DMKN: variants seen among roughly 807,000 people sequenced by gnomAD.
The protein encoded by DMKN is dermokine.
A neutral mutation model predicts 67.6 loss-of-function variants in DMKN; 58 were observed. The ratio of observed to expected loss-of-function variants is 0.86; its 90% confidence interval spans 0.69 to 1.07. The LOEUF is 1.07. Ranked by LOEUF, DMKN falls within the 50% of genes least tolerant of loss-of-function variation. The probability of loss-of-function intolerance (pLI) is 0.00; values close to 1 mark genes in which losing one functional copy is unlikely to be tolerated. For synonymous variants in DMKN, 240 were observed against 232.3 expected, an observed-to-expected ratio of 1.03 and a Z score of -0.30; for missense variants, 596 against 601.5, an observed-to-expected ratio of 0.99 and a Z score of 0.10.
chr19:35,511,377 C>T, intron 5 of DMKN, 34 bp downstream of exon 5: 1 of 1,605,452 alleles, frequency 6.2e-7, no homozygotes, highest in Non-Finnish European at 8.5e-7. Flanking sequence ...GGGCCTCACC[C>T]CATCTCAGCC....
At chr19:35,506,240 G>T in intron 7 of DMKN, 1 of 1,451,232 alleles carries the variant, frequency 6.9e-7, no homozygotes, top group Non-Finnish European at 9.0e-7. Flanking sequence ...TATCATGCCT[G>T]CCACCTGTCA....
In DMKN at chr19:35,513,309, C is replaced by T. The variant is rs1345207111; in HGVS notation, c.167G>A (p.Gly56Asp). Residue 56 changes from glycine (G) to aspartate (D), a missense_variant, in exon 1 of 16, where the codon GGC (glycine) becomes GAC (aspartate). Physicochemically the swap from Gly to Asp is moderately conservative, Grantham distance 94. Transcript: ENST00000339686. ...ALSEGVGKAI[G>D]KEAGGAAGSK... ...GCCAGCTGCCCCTCCGGCCTCTTTGCCAATGGCCTTTCCCACCCCTTCGCT... is the reference window on the plus strand; with the variant it reads ...GCCAGCTGCCCCTCCGGCCTCTTTGTCAATGGCCTTTCCCACCCCTTCGCT... The T allele has an allele frequency of 6.2e-7, 1 of 1,614,100 alleles. No homozygotes were observed. The highest frequency in any genetic ancestry group is 1.3e-5 in the African/African-American group (1 of 74,954).
At chr19:35,505,042 G>C (rs1276283942) in intron 9 of DMKN, among the ~76,000 whole-genome samples, 1 of 149,994 alleles carries the variant, frequency 6.7e-6, no homozygotes, top group South Asian at 2.1e-4. Context: ...AAAAAAAATA[G>C]AGTGTCTCAA....
At chr19:35,503,353 G>A (rs2068756622) in intron 9 of DMKN, 1 of 1,547,350 alleles carries the variant, frequency 6.5e-7, no homozygotes, top group Non-Finnish European at 8.7e-7. Context: ...GATTAGTGAT[G>A]AGAGGGTGGT....
At chr19:35,511,678 T>C in intron 4 of DMKN, 85 bp from the exon 5 acceptor site, 1 of 1,592,332 alleles carries the variant, frequency 6.3e-7, no homozygotes, top group Non-Finnish European at 8.6e-7. Flanking sequence ...ACCCAGGCCA[T>C]ATTCCATGAT....
intron 9 of DMKN, among the ~76,000 whole-genome samples, chr19:35,504,618 G>GA (rs1039484920): frequency 3.8e-4 from 57 of 148,648 alleles, no homozygotes; most frequent in Non-Finnish European, 7.9e-4. Context: ...GAAAGAAAAA[G>GA]AAAAAAGAAA....
At chr19:35,508,342 T>C (rs892307058) in intron 7 of DMKN, 8 of 1,421,672 alleles carry the variant, frequency 5.6e-6, no homozygotes, top group Non-Finnish European at 6.7e-6. Flanking sequence ...AGAATCCTAA[T>C]GGCACTCTCT....
rs549880296 is a variant in DMKN, at chr19:35,497,692, G to A, written c.*1-154C>T. 3 of 152,486 alleles carry A rather than the reference G, an allele frequency of 2.0e-5. No individual in the cohort carries two copies. In the East Asian group the frequency reaches 5.8e-4, roughly 29 times the overall value. 9.4% of individuals were successfully genotyped at this position (152,486 alleles called of 1,614,324 possible). A position where few individuals can be genotyped will look rare whatever the true frequency, so the allele number is the denominator to read the frequency against. On this transcript the variant is annotated intron_variant, in intron 15 of 15. Coordinates refer to ENST00000339686, the MANE Select transcript of DMKN (RefSeq NM_033317.5). ...TCACTTTTGCTCCGCCTAAAACAGA[G>A]TTTGTGGTTCTGCCGAGCCAAGCTA...
Position 35,502,153 on chromosome 19 carries a change from A to G in DMKN, c.1222T>C (p.Trp408Arg), listed in dbSNP as rs2068510340. The change falls in exon 11 of 16, where the codon TGG becomes CGG. Residue 408 changes from tryptophan to arginine, a missense_variant. Coordinates refer to ENST00000339686, the MANE Select transcript of DMKN (RefSeq NM_033317.5). Reference protein sequence around the residue: ...DFKQNTPFLNWKAIIEGADAS... With the variant: ...DFKQNTPFLNRKAIIEGADAS... ...CCCCTTACCTCAATAATTGCTTTCC[A>G]GTTGAGGAAAGGAGTGTTCTGTTTG... The G allele has an allele frequency of 1.9e-6, 3 of 1,614,092 alleles. No homozygotes were observed. Among genetic ancestry groups the G allele is most frequent in the Non-Finnish European group, 2.5e-6 (3 of 1,180,014 alleles).
chr19:35,505,246 G>A (rs559090125), intron 9 of DMKN, among the ~76,000 whole-genome samples: 19 of 152,250 alleles, frequency 1.2e-4, no homozygotes, highest in Non-Finnish European at 2.5e-4. Flanking sequence ...GAAGGAGGGA[G>A]GGGTTCTGCG....
chr19:35,503,425 G>A (rs1159858600), intron 9 of DMKN: 20 of 1,551,158 alleles, frequency 1.3e-5, no homozygotes, highest in Admixed American at 9.8e-5. Context: ...TGGAGGTCAC[G>A]GGATGCGAGA....
chr19:35,507,935 A>G (rs2146108291), intron 7 of DMKN: 1 of 475,284 alleles, frequency 2.1e-6, no homozygotes, highest in South Asian at 3.2e-5. Context: ...TAAAAAAAGG[A>G]GATGCTAGCT....
intron 9 of DMKN, 138 bp downstream of exon 9, chr19:35,505,580 C>A (rs1277170854): frequency 1.0e-5 from 11 of 1,075,008 alleles, no homozygotes; most frequent in African/African-American, 3.2e-5. Flanking sequence ...TCCTCCACCC[C>A]CAGTGTGTTT....
chr19:35,507,628 C>T, intron 7 of DMKN: 1 of 859,708 alleles, frequency 1.2e-6, no homozygotes, highest in South Asian at 1.5e-5. Context: ...GAGACATGAG[C>T]ATGACAGAGG....
At position 35,510,253 on chromosome 19, in the gene DMKN, C is replaced by T. The variant is rs1314336454; in HGVS notation, c.919-1G>A. 6.2e-7 allele frequency: 1 copy of T among 1,601,674 alleles called. No homozygotes were observed. Among genetic ancestry groups the T allele is most frequent in the Non-Finnish European group, 8.5e-7 (1 of 1,174,072 alleles). ...CGGAGGAGGAGCCGGTGCTGGATCC[C>T]TGCAGGGGAAAGCAAGATTTCAAAC... On this transcript the variant is annotated splice_acceptor_variant, in intron 5 of 15. Coordinates refer to ENST00000339686, the MANE Select transcript of DMKN (RefSeq NM_033317.5). LOFTEE classifies it high-confidence loss of function.
intron 10 of DMKN, 142 bp downstream of exon 10, chr19:35,502,688 G>T: frequency 1.2e-6 from 1 of 816,810 alleles, no homozygotes; most frequent in Non-Finnish European, 2.1e-6. Flanking sequence ...CTGGGTGATA[G>T]AGCGAGACTC....
At chr19:35,507,926 A>G (rs757300041) in intron 7 of DMKN, 2 of 458,866 alleles carry the variant, frequency 4.4e-6, no homozygotes, top group Non-Finnish European at 7.8e-6. Flanking sequence ...TGGCATTAGT[A>G]AAAAAAGGAG....
At position 35,513,227 on chromosome 19, in the gene DMKN, G is replaced by C. The variant is rs2071097491; in HGVS notation, c.249C>G (p.Val83=). The change falls in exon 1 of 16, where the codon GTC becomes GTG. Residue 83 remains valine, a synonymous_variant. Coordinates refer to ENST00000339686, the MANE Select transcript of DMKN (RefSeq NM_033317.5). ...CTACGCCAAAGCCTGGAACCTGCCT[G>C]ACTCCAGTGCCAACTGCTTCTCTGG... ...QGTREAVGTG[V]RQVPGFGVAD... is the part of the protein sequence containing the mutation. 1 of 1,614,120 alleles carries C rather than the reference G, an allele frequency of 6.2e-7. No individual in the cohort carries two copies. The highest frequency in any genetic ancestry group is 1.3e-5 in the African/African-American group (1 of 74,944).
At chr19:35,507,822 C>T in intron 7 of DMKN, 1 of 436,852 alleles carries the variant, frequency 2.3e-6, no homozygotes, top group Non-Finnish European at 4.1e-6. Context: ...GCTTTGCCAG[C>T]AAAGCATCCG....
Sources: allele counts gnomAD v4.1 joint callset (sites outside exome capture counted in the v4.1 genomes callset), GRCh38; gene constraint gnomAD v4.1.1; transcripts MANE v1.5; gene names NCBI Gene and HGNC (gene_info 2026-07-23, HGNC 2026-07-21).